The following ASTN2 variants were observed in gnomAD, a reference collection of about 807,000 sequenced individuals.
ASTN2 encodes astrotactin 2.
ASTN2 carries 54 observed loss-of-function variants against 139.8 expected under a neutral mutation model. The observed-to-expected ratio is 0.39, with a 90% CI of 0.31 to 0.48. ASTN2 has a LOEUF of 0.48. Ranked by LOEUF, ASTN2 falls within the 20% of genes least tolerant of loss-of-function variation. The pLI, the probability that ASTN2 is intolerant of heterozygous loss-of-function variation, is 0.95. For synonymous variants in ASTN2, 756 were observed against 719.5 expected (o/e 1.05, Z -0.81); for missense variants, 1,565 against 1,725.1 (o/e 0.91, Z 1.64).
chr9:116,499,344 G>T (rs1849778843), intron 19 of ASTN2, among the ~76,000 whole-genome samples: 1 of 152,118 alleles, frequency 6.6e-6, no homozygotes. Context: ...ATGCCGGAGA[G>T]GTACTCATGA....
chr9:117,254,362 A>G (rs1833624872), intron 2 of ASTN2, among the ~76,000 whole-genome samples: 2 of 152,158 alleles, frequency 1.3e-5, no homozygotes, highest in South Asian at 2.1e-4. Context: ...TTATTGATAC[A>G]TTTTCTTAAA....
At chr9:116,688,382 C>T (rs1860382393) in intron 16 of ASTN2, among the ~76,000 whole-genome samples, 1 of 151,944 alleles carries the variant, frequency 6.6e-6, no homozygotes, top group African/African-American at 2.4e-5. Flanking sequence ...AAGAGATTTT[C>T]CTTAAATCGC....
chr9:117,360,049 C>T (rs1829650707), intron 1 of ASTN2, among the ~76,000 whole-genome samples: 1 of 152,064 alleles, frequency 6.6e-6, no homozygotes, highest in Non-Finnish European at 1.5e-5. Flanking sequence ...TAGTAGAAGC[C>T]AATGAAGATC....
At chr9:116,830,510 G>C (rs2132284234) in intron 11 of ASTN2, among the ~76,000 whole-genome samples, 1 of 152,102 alleles carries the variant, frequency 6.6e-6, no homozygotes, top group Middle Eastern at 3.4e-3. Flanking sequence ...AATTACATTA[G>C]GTCGGTCACG....
At position 117,378,051 on chromosome 9, in the gene ASTN2, G is replaced by A. The variant is rs115691088; in HGVS notation, c.442+36446C>T. On this transcript the variant is annotated intron_variant, in intron 1 of 22. Coordinates refer to ENST00000313400, the MANE Select transcript of ASTN2 (RefSeq NM_001365068.1). ...TTTCTACCCCACATGATTTTGTTGC[G>A]TTTATATTTTTATAAAAGGAATGGC... Among the ~76,000 whole-genome samples, 1,493 of 152,210 alleles carry A rather than the reference G, an allele frequency of 9.8e-3. 29 individuals carry two copies. The highest frequency in any genetic ancestry group is 0.034 in the African/African-American group (1,421 of 41,532).
At chr9:117,016,400 C>G (rs559491372) in intron 6 of ASTN2, among the ~76,000 whole-genome samples, 1 of 151,786 alleles carries the variant, frequency 6.6e-6, no homozygotes, top group East Asian at 2.0e-4. Context: ...GTGCCAGTAT[C>G]TTCCACTGAC....
chr9:116,623,530 A>G (rs1856282622), intron 17 of ASTN2, among the ~76,000 whole-genome samples: 1 of 152,128 alleles, frequency 6.6e-6, no homozygotes, highest in Non-Finnish European at 1.5e-5. Context: ...CTCCATCCAG[A>G]GTCCAATTAG....
chr9:117,178,340 A>G (rs1455339921), intron 3 of ASTN2, among the ~76,000 whole-genome samples: 1 of 152,148 alleles, frequency 6.6e-6, no homozygotes, highest in African/African-American at 2.4e-5. Flanking sequence ...CAGACACTCA[A>G]TGAGTGTCAG....
chr9:116,941,458 T>C (rs368718949), intron 10 of ASTN2, among the ~76,000 whole-genome samples: 1 of 152,100 alleles, frequency 6.6e-6, no homozygotes, highest in African/African-American at 2.4e-5. Flanking sequence ...ATGTCCTAGT[T>C]TGAGGGCTGC....
At chr9:117,131,477 C>T (rs986124644) in intron 4 of ASTN2, among the ~76,000 whole-genome samples, 2 of 152,148 alleles carry the variant, frequency 1.3e-5, no homozygotes, top group African/African-American at 4.8e-5. Context: ...CCTTGCAAAA[C>T]CATCTTTTGT....
At chr9:117,399,232 A>G (rs1830758159) in intron 1 of ASTN2, among the ~76,000 whole-genome samples, 1 of 152,218 alleles carries the variant, frequency 6.6e-6, no homozygotes, top group Admixed American at 6.5e-5. Flanking sequence ...TTCTATGAAA[A>G]TACTGACTGC....
At chr9:116,920,306 C>G (rs1467055487) in intron 10 of ASTN2, among the ~76,000 whole-genome samples, 1 of 152,152 alleles carries the variant, frequency 6.6e-6, no homozygotes, top group African/African-American at 2.4e-5. Flanking sequence ...CATAGAGGCC[C>G]TAAATAATTT....
chr9:116,876,382 G>A (rs541804235), intron 10 of ASTN2, among the ~76,000 whole-genome samples: 7 of 152,332 alleles, frequency 4.6e-5, no homozygotes, highest in East Asian at 1.9e-4. Context: ...TAAACTACTC[G>A]TGGTGAAGAT....
intron 4 of ASTN2, among the ~76,000 whole-genome samples, chr9:117,114,881 T>A (rs1282031666): frequency 1.3e-5 from 2 of 152,122 alleles, no homozygotes; most frequent in Non-Finnish European, 2.9e-5. Flanking sequence ...GGCACACCAG[T>A]CAACATCCCC....
chr9:116,572,970 TGTGCACACATGTGGGTACATGC>T (rs981038359), intron 19 of ASTN2, among the ~76,000 whole-genome samples: 7 of 151,932 alleles, frequency 4.6e-5, no homozygotes, highest in Non-Finnish European at 8.8e-5. Context: ...AAAGGTGCTG[TGTGCACACATGTGGGTACATGC>T]GTGCACACAT....
Position 116,678,552 on chromosome 9 carries a change from G to A in ASTN2, c.2807-26759C>T, listed in dbSNP as rs559284255. Among the ~76,000 whole-genome samples the A allele has an allele frequency of 4.3e-4, 65 of 152,250 alleles. 1 individual carries two copies. Among genetic ancestry groups the A allele is most frequent in the East Asian group, 2.3e-3 (12 of 5,168 alleles). The stretch of plus-strand genomic sequence containing the variant: ...AAGGAATGTAATTTTGTCTAGTTCA[G>A]AGGGTTTTAAAGATTGTCTTAACCT... On this transcript the variant is annotated intron_variant, in intron 16 of 22. Transcript: ENST00000313400.
In ASTN2 at chr9:116,453,474, G is replaced by C. The variant is rs370529504; in HGVS notation, c.3498-10921C>G. 2.2e-3 allele frequency among the ~76,000 whole-genome samples: 331 copies of C among 151,254 alleles called. 1 individual carries two copies. Among genetic ancestry groups the C allele is most frequent in the Admixed American group, 7.3e-3 (111 of 15,152 alleles). On this transcript the variant is annotated intron_variant, in intron 20 of 22. Transcript: ENST00000313400. ...CTGGGCGTGGTGGCGGGTGCCTGTA[G>C]TCCCAGCTACTTGGGAGGCTGAGGT...
chr9:116,590,985 T>C (rs1251079970), intron 19 of ASTN2, among the ~76,000 whole-genome samples: 1 of 152,232 alleles, frequency 6.6e-6, no homozygotes, highest in Non-Finnish European at 1.5e-5. Context: ...AGCTCCTCTT[T>C]GCCGTGCTCA....
chr9:116,929,166 T>C (rs1834834324), intron 10 of ASTN2, among the ~76,000 whole-genome samples: 1 of 152,192 alleles, frequency 6.6e-6, no homozygotes, highest in Admixed American at 6.5e-5. Context: ...TGTGCAGATG[T>C]GCTGGACCTG....
Sources: allele counts gnomAD v4.1 joint callset (sites outside exome capture counted in the v4.1 genomes callset), GRCh38; gene constraint gnomAD v4.1.1; transcripts MANE v1.5; gene names NCBI Gene and HGNC (gene_info 2026-07-23, HGNC 2026-07-21).